The following CDHR5 variants were observed in gnomAD, a reference collection of about 807,000 sequenced individuals.
CDHR5 encodes the protein cadherin related family member 5.
CDHR5 carries 82 observed loss-of-function variants against 69.5 expected under a neutral mutation model. That is an observed-to-expected ratio of 1.18 (90% CI 0.99 to 1.42). The LOEUF is 1.42. Ranked by LOEUF, CDHR5 falls within the 40% of genes most tolerant of loss-of-function variation. The pLI is 0.00. For missense variants in CDHR5, 1,293 were observed against 1,168.9 expected (o/e 1.11, Z -1.55); for synonymous variants, 601 against 510.2 (o/e 1.18, Z -2.40).
Position 617,652 on chromosome 11 carries a change from T to G in CDHR5, c.2237A>C (p.Glu746Ala). 1 of 1,530,302 alleles carries G rather than the reference T, an allele frequency of 6.5e-7. No homozygotes were observed. The highest frequency in any genetic ancestry group is 8.8e-7 in the Non-Finnish European group (1 of 1,142,388). The allele number at this position is 1,530,302 out of a possible 1,614,324, so 94.8% of individuals were successfully genotyped here. The change falls in exon 15 of 15, where the codon GAG becomes GCG. Residue 746 changes from glutamate to alanine, a missense_variant. Glu to Ala is a moderately radical substitution (Grantham distance 107, BLOSUM62 -1). Coordinates refer to ENST00000397542, the MANE Select transcript of CDHR5 (RefSeq NM_021924.5). ...PKPAEAPMPA[E>A]PAPPGPASPG... The stretch of plus-strand genomic sequence containing the variant: ...GGAGGCAGGGCCGGGGGGTGCGGGC[T>G]CTGCGGGCATCGGTGCCTCCGCGGG...
intron 14 of CDHR5, 21 bp from the exon 15 acceptor site, chr11:617,791 G>A (rs372636570): frequency 1.2e-5 from 18 of 1,448,762 alleles, no homozygotes; most frequent in East Asian, 1.2e-4. Flanking sequence ...GAGTCGAGGC[G>A]TCAGCGGGGT....
Position 617,691 on chromosome 11 carries a change from G to C in CDHR5, c.2198C>G (p.Thr733Arg), listed in dbSNP as rs560704453. ...KANWAPVPSPTHDPKPAEAPM... is the reference protein window; with the variant it reads ...KANWAPVPSPRHDPKPAEAPM... Reference sequence around the variant, plus strand: ...TGCCTCCGCGGGCTTGGGGTCGTGCGTGGGGCTGGGGACGGGCGCCCAGTT... The same window carrying C: ...TGCCTCCGCGGGCTTGGGGTCGTGCCTGGGGCTGGGGACGGGCGCCCAGTT... Residue 733 changes from threonine (T) to arginine (R), a missense_variant, in exon 15 of 15, where the codon ACG becomes AGG. Coordinates refer to ENST00000397542, the MANE Select transcript of CDHR5 (RefSeq NM_021924.5). 1.4e-6 allele frequency: 2 copies of C among 1,471,218 alleles called. No homozygotes were observed. Among genetic ancestry groups the C allele is most frequent in the African/African-American group, 1.4e-5 (1 of 70,702 alleles). 91.1% of individuals were successfully genotyped at this position (1,471,218 alleles called of 1,614,324 possible). A position where few individuals can be genotyped will look rare whatever the true frequency, so the allele number is the denominator to read the frequency against.
chr11:617,996 C>T lies in CDHR5; in HGVS notation c.2076G>A (p.Lys692=), dbSNP rs758271345. 9.3e-5 allele frequency: 150 copies of T among 1,612,306 alleles called. No homozygotes were observed. The highest frequency in any genetic ancestry group is 4.9e-4 in the Middle Eastern group (3 of 6,082). The change falls in exon 14 of 15, where the codon AAG becomes AAA. Residue 692 remains lysine, a synonymous_variant. Transcript: ENST00000397542. ...ALLGLAVLVH[K]HYGPRLKCCC... is the part of the protein sequence containing the mutation. The stretch of plus-strand genomic sequence containing the variant: ...AGCACTTGAGCCGGGGGCCATAGTG[C>T]TTGTGGACAAGGACGGCGAGGCCAA...
chr11:618,201 T>C, intron 13 of CDHR5, 90 bp from the exon 14 acceptor site: 1 of 1,136,982 alleles, frequency 8.8e-7, no homozygotes, highest in Non-Finnish European at 1.3e-6. Flanking sequence ...TTGGGACACT[T>C]GGGTTCCACC....
At chr11:620,253 CAG>C in intron 8 of CDHR5, 41 bp downstream of exon 8, 2 of 1,587,068 alleles carry the variant, frequency 1.3e-6, no homozygotes, top group Non-Finnish European at 1.7e-6. Flanking sequence ...GAGACAGGGA[CAG>C]AGGGGGTACA....
Position 624,572 on chromosome 11 carries a change from C to G in CDHR5, c.246G>C (p.Val82=), listed in dbSNP as rs749333373. 8 of 1,607,188 alleles carry G rather than the reference C, an allele frequency of 5.0e-6. No individual in the cohort carries two copies. In the South Asian group the frequency reaches 7.7e-5, roughly 16 times the overall value. Residue 82 remains valine (V), a synonymous_variant, in exon 2 of 15, where the codon GTG becomes GTC. Transcript: ENST00000397542. The surrounding 1 kb of genome is among the most constrained non-coding windows in gnomAD (Gnocchi z 5.3). ...RIQGNQLFLN[V]TPDYEEKSLL... ...CCGCCCACACCTCGTAATCAGGAGT[C>G]ACGTTGAGAAACAGCTGGTTTCCCT... is the stretch of plus-strand genomic sequence containing the variant.
Position 624,788 on chromosome 11 carries a change from C to T in CDHR5, c.85+30G>A, listed in dbSNP as rs201144301. 419 of 1,605,332 alleles carry T rather than the reference C, an allele frequency of 2.6e-4. 2 individuals carry two copies. In the East Asian group the frequency reaches 8.0e-3, roughly 31 times the overall value. On this transcript the variant is annotated intron_variant, in intron 1 of 14. Coordinates refer to ENST00000397542, the MANE Select transcript of CDHR5 (RefSeq NM_021924.5). This position sits in a 1 kb window ranked among gnomAD's most constrained non-coding sequence, Gnocchi z 5.3. ...TCCCAGCCCCTGGCTCCCCGCCGCC[C>T]GTGCCCCACCTACCCCTGCCCGCAC...
Position 618,020 on chromosome 11 carries a change from A to G in CDHR5, c.2052T>C (p.Leu684=). Residue 684 remains leucine, a synonymous_variant, in exon 14 of 15, where the codon CTT becomes CTC. Transcript: ENST00000397542. ...GCTTGTGGACAAGGACGGCGAGGCCAAGGAGAGCCAGCAGCAGCAGCGCAC... is the reference window on the plus strand; with the variant it reads ...GCTTGTGGACAAGGACGGCGAGGCCGAGGAGAGCCAGCAGCAGCAGCGCAC... ...VLGALLLLAL[L]GLAVLVHKHY... is the part of the protein sequence containing the mutation. 6.2e-7 allele frequency: 1 copy of G among 1,612,348 alleles called. No individual in the cohort carries two copies. Among genetic ancestry groups the G allele is most frequent in the Non-Finnish European group, 8.5e-7 (1 of 1,179,784 alleles).
chr11:624,483 A>G lies in CDHR5; in HGVS notation c.261+74T>C, dbSNP rs2133222201. Reference sequence around the variant, plus strand: ...GCAGGCATAGAACTCCTAGGCCCCCAAGGGAGGTGTGGCCTGAGGATGCAG... The same window carrying G: ...GCAGGCATAGAACTCCTAGGCCCCCGAGGGAGGTGTGGCCTGAGGATGCAG... On this transcript the variant is annotated intron_variant, in intron 2 of 14. Transcript: ENST00000397542. The surrounding 1 kb of genome is among the most constrained non-coding windows in gnomAD (Gnocchi z 5.3). 1.4e-6 allele frequency: 2 copies of G among 1,461,192 alleles called. No individual in the cohort carries two copies. The highest frequency in any genetic ancestry group is 1.9e-6 in the Non-Finnish European group (2 of 1,042,116). 90.5% of individuals were successfully genotyped at this position (1,461,192 alleles called of 1,614,324 possible).
At position 621,017 on chromosome 11, in the gene CDHR5, C is replaced by A; in HGVS notation, c.789+63G>T. ...CCGCCCTTCCTCTCCTGATCCTGGCCGTCCCTGTGTCCAGCCTGCCTAGAA... is the reference window on the plus strand; with the variant it reads ...CCGCCCTTCCTCTCCTGATCCTGGCAGTCCCTGTGTCCAGCCTGCCTAGAA... On this transcript the variant is annotated intron_variant, in intron 7 of 14. Coordinates refer to ENST00000397542, the MANE Select transcript of CDHR5 (RefSeq NM_021924.5). The surrounding 1 kb of genome is among the most constrained non-coding windows in gnomAD (Gnocchi z 4.4). 7.9e-7 allele frequency: 1 copy of A among 1,268,602 alleles called. No individual in the cohort carries two copies. The highest frequency in any genetic ancestry group is 1.5e-5 in the African/African-American group (1 of 66,702). The allele number at this position is 1,268,602 out of a possible 1,614,324, so 78.6% of individuals were successfully genotyped here.
rs759015132 is a variant in CDHR5 at position 624,599 on chromosome 11, G to A, written c.219C>T (p.Ile73=). 1.2e-6 allele frequency: 2 copies of A among 1,611,034 alleles called. No individual in the cohort carries two copies. The highest frequency in any genetic ancestry group is 2.2e-5 in the East Asian group (1 of 44,808). The change falls in exon 2 of 15, where the codon ATC becomes ATT. Residue 73 remains isoleucine, a synonymous_variant. Coordinates refer to ENST00000397542, the MANE Select transcript of CDHR5 (RefSeq NM_021924.5). This position sits in a 1 kb window ranked among gnomAD's most constrained non-coding sequence, Gnocchi z 5.3. ...GALSTPFAFR[I]QGNQLFLNVT... The stretch of plus-strand genomic sequence containing the variant: ...CGTTGAGAAACAGCTGGTTTCCCTG[G>A]ATCCGAAATGCAAAGGGGGTGGACA...
Position 617,691 on chromosome 11 carries a change from G to A in CDHR5, c.2198C>T (p.Thr733Met), listed in dbSNP as rs560704453. The A allele has an allele frequency of 7.7e-5, 113 of 1,471,218 alleles. No individual in the cohort carries two copies. The highest frequency in any genetic ancestry group is 1.8e-4 in the Middle Eastern group (1 of 5,436). 91.1% of individuals were successfully genotyped at this position (1,471,218 alleles called of 1,614,324 possible). ...KANWAPVPSP[T>M]HDPKPAEAPM... The stretch of plus-strand genomic sequence containing the variant: ...TGCCTCCGCGGGCTTGGGGTCGTGC[G>A]TGGGGCTGGGGACGGGCGCCCAGTT... Residue 733 changes from threonine (T) to methionine (M), a missense_variant, in exon 15 of 15, where the codon ACG becomes ATG. Thr to Met is a moderately conservative substitution (Grantham distance 81). Coordinates refer to ENST00000397542, the MANE Select transcript of CDHR5 (RefSeq NM_021924.5).
At position 618,826 on chromosome 11, in the gene CDHR5, G is replaced by T. The variant is rs771002632; in HGVS notation, c.1733C>A (p.Thr578Asn). 3 of 1,611,030 alleles carry T rather than the reference G, an allele frequency of 1.9e-6. No homozygotes were observed. Among genetic ancestry groups the T allele is most frequent in the Admixed American group, 3.4e-5 (2 of 59,596 alleles). ...GGTAQTPEPGTSQPMPPSMGT... is the reference protein window; with the variant it reads ...GGTAQTPEPGNSQPMPPSMGT... ...CATACTGGGGGGCATCGGCTGAGAG[G>T]TTCCTGGCTCTGGGGTCTGTGCTGT... is the stretch of plus-strand genomic sequence containing the variant. Residue 578 changes from threonine (T) to asparagine (N), a missense_variant, in exon 13 of 15, where the codon ACC becomes AAC. Thr to Asn is a moderately conservative substitution (Grantham distance 65). Coordinates refer to ENST00000397542, the MANE Select transcript of CDHR5 (RefSeq NM_021924.5).
rs371415796 is a variant in CDHR5 at position 621,419 on chromosome 11, G to C, written c.544C>G (p.Arg182Gly). 6.2e-7 allele frequency: 1 copy of C among 1,612,702 alleles called. No individual in the cohort carries two copies. The highest frequency in any genetic ancestry group is 2.2e-5 in the East Asian group (1 of 44,874). ...SDYFSLVSVN[R>G]PALRLDRPLD... ...GGCCGGTCCAGCCTCAGGGCGGGAC[G>C]GTTTACACTCACCAGGGAGAAGTAG... The change falls in exon 6 of 15, where the codon CGT becomes GGT. Residue 182 changes from arginine (R) to glycine (G), a missense_variant. Physicochemically the swap from Arg to Gly is moderately radical, Grantham distance 125. Transcript: ENST00000397542. The surrounding 1 kb of genome is among the most constrained non-coding windows in gnomAD (Gnocchi z 4.4).
chr11:619,975 G>T (rs1328864525), intron 9 of CDHR5, 92 bp downstream of exon 9: 32 of 1,406,346 alleles, frequency 2.3e-5, no homozygotes, highest in Non-Finnish European at 3.0e-5. Flanking sequence ...AGACTTGGCG[G>T]GGGCCCTGCC....
At chr11:618,538 G>T (rs559501075) in intron 13 of CDHR5, 61 bp downstream of exon 13, 80 of 1,586,432 alleles carry the variant, frequency 5.0e-5, no homozygotes, top group Non-Finnish European at 6.6e-5. Context: ...CCTTCCTACA[G>T]CGTTTCCCAT....
intron 13 of CDHR5, 147 bp from the exon 14 acceptor site, chr11:618,258 C>G: frequency 2.7e-6 from 2 of 735,010 alleles, no homozygotes; most frequent in South Asian, 3.7e-5. Context: ...GACCCTGGCT[C>G]AAGGGGCCTG....
Position 618,041 on chromosome 11 carries a change from C to G in CDHR5, c.2031G>C (p.Ala677=). The change falls in exon 14 of 15, where the codon GCG becomes GCC. Residue 677 remains alanine, a synonymous_variant. Coordinates refer to ENST00000397542, the MANE Select transcript of CDHR5 (RefSeq NM_021924.5). ...DMAALGGVLG[A]LLLLALLGLA... Reference sequence around the variant, plus strand: ...GGCCAAGGAGAGCCAGCAGCAGCAGCGCACCCAGCACCCCGCCCAGGGCCG... The same window carrying G: ...GGCCAAGGAGAGCCAGCAGCAGCAGGGCACCCAGCACCCCGCCCAGGGCCG... 6.2e-7 allele frequency: 1 copy of G among 1,612,072 alleles called. No homozygotes were observed. Among genetic ancestry groups the G allele is most frequent in the South Asian group, 1.1e-5 (1 of 90,998 alleles).
chr11:616,974 G>GTAAAA lies in CDHR5; in HGVS notation c.*376_*377insTTTTA. On this transcript the variant is annotated 3_prime_UTR_variant, in exon 15 of 15. Transcript: ENST00000397542. The stretch of plus-strand genomic sequence containing the variant: ...GTCGGGAGCGGGAGGTCTGAGATGA[G>GTAAAA]CCGGGTGCCTGAGATCTCCGGTGCA... 1 of 251,314 alleles carries GTAAAA rather than the reference G, an allele frequency of 4.0e-6. No homozygotes were observed. The highest frequency in any genetic ancestry group is 7.7e-6 in the Non-Finnish European group (1 of 129,322). The allele number at this position is 251,314 out of a possible 1,614,324, so 15.6% of individuals were successfully genotyped here. A position where few individuals can be genotyped will look rare whatever the true frequency, so the allele number is the denominator to read the frequency against.
Sources: gnomAD v4.1 joint callset for allele counts on GRCh38, gnomAD v4.1.1 for gene constraint, Gnocchi (gnomAD v3.1) non-coding constraint, MANE v1.5 for transcripts, NCBI Gene and HGNC (gene_info 2026-07-23, HGNC 2026-07-21) for gene names.